GMDS: variants seen among roughly 807,000 people sequenced by gnomAD.
GMDS encodes GDP-mannose 4,6 dehydratase.
Under a neutral mutation model 49.9 loss-of-function variants are expected in GMDS, and 20 were observed. The observed-to-expected ratio is 0.40, with a 90% CI of 0.28 to 0.58. The LOEUF is 0.58. Ranked by LOEUF, GMDS falls within the 20% of genes least tolerant of loss-of-function variation. The probability of loss-of-function intolerance (pLI) is 0.42; values close to 1 mark genes in which losing one functional copy is unlikely to be tolerated. For missense variants in GMDS, 362 were observed against 481.4 expected, an observed-to-expected ratio of 0.75 and a Z score of 2.32; for synonymous variants, 177 against 178.6, an observed-to-expected ratio of 0.99 and a Z score of 0.07.
At chr6:2,243,831 C>A (rs1339142064) in intron 1 of GMDS, among the ~76,000 whole-genome samples, 4 of 132,556 alleles carry the variant, frequency 3.0e-5, no homozygotes, top group East Asian at 2.5e-4. Context: ...TGGCCAATTT[C>A]AACTTCTCCT....
At chr6:1,890,886 T>C (rs1172721547) in intron 7 of GMDS, among the ~76,000 whole-genome samples, 1 of 152,250 alleles carries the variant, frequency 6.6e-6, no homozygotes, top group Non-Finnish European at 1.5e-5. Context: ...GCCGTGTCAA[T>C]GTGAACAGTT....
At chr6:1,737,600 C>CCACACACACCACAAA (rs1767052658) in intron 8 of GMDS, among the ~76,000 whole-genome samples, 1 of 146,680 alleles carries the variant, frequency 6.8e-6, no homozygotes, top group African/African-American at 2.5e-5. Context: ...CATACACACA[C>CCACACACACCACAAA]CACACACACC....
At chr6:1,899,554 G>A (rs1365919379) in intron 7 of GMDS, among the ~76,000 whole-genome samples, 1 of 151,954 alleles carries the variant, frequency 6.6e-6, no homozygotes, top group Non-Finnish European at 1.5e-5. Flanking sequence ...AATGAACCAA[G>A]AGAGAAAGCC....
chr6:1,968,507 G>A (rs533697177), intron 4 of GMDS, among the ~76,000 whole-genome samples: 1 of 152,262 alleles, frequency 6.6e-6, no homozygotes, highest in East Asian at 1.9e-4. Flanking sequence ...CTCTCTGCAA[G>A]GCCCACTCCC....
chr6:1,824,710 G>T (rs1409668302), intron 7 of GMDS, among the ~76,000 whole-genome samples: 1 of 152,130 alleles, frequency 6.6e-6, no homozygotes, highest in Non-Finnish European at 1.5e-5. Flanking sequence ...TCCTTTTAAA[G>T]CAGGGACAAA....
chr6:2,033,187 G>A (rs1003639677), intron 4 of GMDS, among the ~76,000 whole-genome samples: 2 of 152,040 alleles, frequency 1.3e-5, no homozygotes, highest in Non-Finnish European at 2.9e-5. Flanking sequence ...AATAATAATT[G>A]CATAATCACT....
intron 1 of GMDS, among the ~76,000 whole-genome samples, chr6:2,235,818 AT>A (rs1781331855): frequency 6.6e-6 from 1 of 151,594 alleles, no homozygotes; most frequent in African/African-American, 2.4e-5. Context: ...ATAAAAAAAA[AT>A]AAAAAAAATA....
At chr6:2,183,224 A>T (rs1309917375) in intron 1 of GMDS, among the ~76,000 whole-genome samples, 1 of 152,222 alleles carries the variant, frequency 6.6e-6, no homozygotes, top group Non-Finnish European at 1.5e-5. Context: ...CAAGTGATTC[A>T]TCTAATGGAA....
intron 7 of GMDS, among the ~76,000 whole-genome samples, chr6:1,743,357 C>T (rs62388350): frequency 2.0e-5 from 3 of 150,302 alleles, no homozygotes; most frequent in Non-Finnish European, 4.4e-5. Flanking sequence ...ATCGAGACCA[C>T]GGGGAAACCC....
Position 1,779,299 on chromosome 6 carries a change from C to G in GMDS, c.772-36713G>C, listed in dbSNP as rs79631817. ...TAGCCCAGTCCCACTAACACAGCCTCCTGGCCGGGGGAAGTATCCTGCTTC... is the reference window on the plus strand; with the variant it reads ...TAGCCCAGTCCCACTAACACAGCCTGCTGGCCGGGGGAAGTATCCTGCTTC... On this transcript the variant is annotated intron_variant, in intron 7 of 10. Transcript: ENST00000380815. Among the ~76,000 whole-genome samples, 492 of 152,292 alleles carry G rather than the reference C, an allele frequency of 3.2e-3. 4 individuals are homozygous for G. The highest frequency in any genetic ancestry group is 0.011 in the African/African-American group (451 of 41,552).
At chr6:1,944,502 C>G (rs1168420351) in intron 6 of GMDS, among the ~76,000 whole-genome samples, 1 of 145,684 alleles carries the variant, frequency 6.9e-6, no homozygotes, top group African/African-American at 2.6e-5. Flanking sequence ...CAGATTGCGT[C>G]TAAAAAAATA....
chr6:1,877,643 T>C (rs201816341), intron 7 of GMDS, among the ~76,000 whole-genome samples: 2,779 of 51,786 alleles, frequency 0.054, 46 homozygotes, highest in Non-Finnish European at 0.086. Flanking sequence ...ATCTCAAAAA[T>C]TAAAAAAAAA....
At chr6:2,227,640 G>A (rs1039583035) in intron 1 of GMDS, among the ~76,000 whole-genome samples, 7 of 152,234 alleles carry the variant, frequency 4.6e-5, no homozygotes, top group Non-Finnish European at 1.0e-4. Flanking sequence ...GATGCAGGGA[G>A]TGAGGTGCCA....
chr6:1,746,082 C>T (rs1767484236), intron 7 of GMDS, among the ~76,000 whole-genome samples: 1 of 152,200 alleles, frequency 6.6e-6, no homozygotes, highest in Non-Finnish European at 1.5e-5. Context: ...AAAAGTTCAC[C>T]CGTTCTCACC....
intron 7 of GMDS, among the ~76,000 whole-genome samples, chr6:1,857,583 A>G (rs1354987380): frequency 6.6e-6 from 1 of 152,186 alleles, no homozygotes; most frequent in Admixed American, 6.5e-5. Flanking sequence ...ATGGTTAAAT[A>G]TATTTGCTTC....
chr6:1,715,150 T>C (rs4959596), intron 9 of GMDS, among the ~76,000 whole-genome samples: 116,867 of 152,214 alleles, frequency 0.77, 45,318 homozygotes, highest in East Asian at 1. Flanking sequence ...AAGACATGTA[T>C]AGAGGTAAAG....
chr6:2,059,402 T>TA (rs1279391899), intron 4 of GMDS, among the ~76,000 whole-genome samples: 2 of 151,820 alleles, frequency 1.3e-5, no homozygotes, highest in African/African-American at 4.8e-5. Context: ...TTCACTTATT[T>TA]AGCAAGACTT....
chr6:2,058,058 T>C (rs1175638782), intron 4 of GMDS, among the ~76,000 whole-genome samples: 1 of 151,972 alleles, frequency 6.6e-6, no homozygotes, highest in Non-Finnish European at 1.5e-5. Flanking sequence ...AGTGTTTCAA[T>C]GATAAAAAGC....
chr6:1,624,449 C>T (rs1270103639), intron 10 of GMDS, 23 bp downstream of exon 10: 2 of 1,601,754 alleles, frequency 1.2e-6, no homozygotes, highest in Non-Finnish European at 8.5e-7. Flanking sequence ...CAGCGGGCGG[C>T]GTGCGCCCTA....
Sources: allele counts gnomAD v4.1 joint callset (sites outside exome capture counted in the v4.1 genomes callset), GRCh38; gene constraint gnomAD v4.1.1; transcripts MANE v1.5; gene names NCBI Gene and HGNC (gene_info 2026-07-23, HGNC 2026-07-21).